MACROD2: variants seen among roughly 807,000 people sequenced by gnomAD.
MACROD2 encodes the protein mono-ADP ribosylhydrolase 2, also known as ADP-ribose glycohydrolase MACROD2.
A neutral mutation model predicts 70.4 loss-of-function variants in MACROD2; 36 were observed. That is an observed-to-expected ratio of 0.51 (90% CI 0.39 to 0.68). The LOEUF (loss-of-function observed/expected upper bound fraction) is 0.68, where lower values mean the gene tolerates loss of function less well. Among genes scored for constraint, MACROD2 ranks in the 30% least tolerant of loss-of-function variants. The pLI is 0.00. For synonymous variants in MACROD2, 172 were observed against 178.8 expected, an observed-to-expected ratio of 0.96 and a Z score of 0.30; for missense variants, 496 against 538.4, an observed-to-expected ratio of 0.92 and a Z score of 0.78.
chr20:15,368,737 ACAGGCGTGAGC>A (rs746057354), intron 6 of MACROD2, among the ~76,000 whole-genome samples: 2 of 152,110 alleles, frequency 1.3e-5, no homozygotes, highest in Non-Finnish European at 2.9e-5. Context: ...TGCTGGGATT[ACAGGCGTGAGC>A]CACCACGCCC....
At chr20:14,189,733 A>G (rs530636848) in intron 3 of MACROD2, among the ~76,000 whole-genome samples, 34 of 152,334 alleles carry the variant, frequency 2.2e-4, no homozygotes, top group African/African-American at 7.9e-4. Flanking sequence ...ATGTGAGTCC[A>G]GAATTGTACA....
At chr20:15,191,895 T>G (rs2076572800) in intron 5 of MACROD2, among the ~76,000 whole-genome samples, 1 of 145,890 alleles carries the variant, frequency 6.9e-6, no homozygotes, top group African/African-American at 2.5e-5. Context: ...TCATCAAAAA[T>G]TTAGAAAACT....
At chr20:14,593,186 T>C (rs1479128935) in intron 4 of MACROD2, among the ~76,000 whole-genome samples, 1 of 152,214 alleles carries the variant, frequency 6.6e-6, no homozygotes, top group Non-Finnish European at 1.5e-5. Flanking sequence ...TGAGTGTGTT[T>C]TTATCTTAAT....
chr20:15,762,770 C>A (rs1204020423), intron 8 of MACROD2, among the ~76,000 whole-genome samples: 3 of 152,126 alleles, frequency 2.0e-5, no homozygotes, highest in Non-Finnish European at 4.4e-5. Context: ...TAACCAAAGA[C>A]CATCCAGATA....
chr20:16,040,878 C>G (rs1404091188), intron 15 of MACROD2, among the ~76,000 whole-genome samples: 1 of 151,986 alleles, frequency 6.6e-6, no homozygotes, highest in Non-Finnish European at 1.5e-5. Context: ...CCCATGCATA[C>G]AGACACACTT....
chr20:14,939,620 TG>T (rs1321022021), intron 5 of MACROD2, among the ~76,000 whole-genome samples: 1 of 152,164 alleles, frequency 6.6e-6, no homozygotes, highest in Non-Finnish European at 1.5e-5. Flanking sequence ...TTTCTATATC[TG>T]TGAAAATGCC....
intron 5 of MACROD2, among the ~76,000 whole-genome samples, chr20:14,740,820 G>A (rs1568769364): frequency 6.6e-6 from 1 of 152,060 alleles, no homozygotes; most frequent in African/African-American, 2.4e-5. Flanking sequence ...TGTTACTGAA[G>A]TGGGCCCTCT....
At chr20:15,805,282 G>T (rs751712412) in intron 8 of MACROD2, among the ~76,000 whole-genome samples, 1 of 152,110 alleles carries the variant, frequency 6.6e-6, no homozygotes, top group Non-Finnish European at 1.5e-5. Flanking sequence ...TTCTGAACAA[G>T]AGAAGGGCGT....
chr20:14,607,723 C>A (rs1266956157), intron 4 of MACROD2, among the ~76,000 whole-genome samples: 1 of 152,134 alleles, frequency 6.6e-6, no homozygotes, highest in Non-Finnish European at 1.5e-5. Context: ...CTAGAATGAT[C>A]CTTTGCTGGA....
intron 7 of MACROD2, among the ~76,000 whole-genome samples, chr20:15,475,757 C>A (rs6110621): frequency 6.6e-6 from 1 of 152,200 alleles, no homozygotes; most frequent in South Asian, 2.1e-4. Context: ...CCATGTAATC[C>A]TCAGAGAAGA....
At chr20:14,963,119 G>T (rs775397325) in intron 5 of MACROD2, among the ~76,000 whole-genome samples, 1 of 152,104 alleles carries the variant, frequency 6.6e-6, no homozygotes, top group Non-Finnish European at 1.5e-5. Flanking sequence ...AGTAGAATTA[G>T]CTCAGAGCAC....
intron 7 of MACROD2, among the ~76,000 whole-genome samples, chr20:15,494,985 A>G (rs1474350092): frequency 2.0e-5 from 3 of 151,964 alleles, no homozygotes; most frequent in Admixed American, 2.0e-4. Flanking sequence ...CACACATGCA[A>G]CTCCCTGCAT....
At chr20:15,539,177 G>T (rs982970281) in intron 8 of MACROD2, among the ~76,000 whole-genome samples, 9 of 152,096 alleles carry the variant, frequency 5.9e-5, no homozygotes, top group African/African-American at 2.2e-4. Context: ...GTCTTTTGCA[G>T]CAAGCTTCAA....
intron 4 of MACROD2, among the ~76,000 whole-genome samples, chr20:14,681,185 G>A (rs937814797): frequency 3.3e-5 from 5 of 152,088 alleles, no homozygotes; most frequent in African/African-American, 1.2e-4. Flanking sequence ...TGTGTAACAT[G>A]GTAATCACTG....
chr20:15,034,955 A>G (rs191255308), intron 5 of MACROD2, among the ~76,000 whole-genome samples: 1 of 152,286 alleles, frequency 6.6e-6, no homozygotes. Flanking sequence ...TAATTGTTTA[A>G]TTAGAGCAAA....
At chr20:15,885,721 C>T (rs763139651) in intron 9 of MACROD2, 43 bp from the exon 10 acceptor site, 2 of 1,418,982 alleles carry the variant, frequency 1.4e-6, no homozygotes, top group African/African-American at 1.5e-5. Context: ...GTGTTTCCCA[C>T]TTTCATATAA....
intron 3 of MACROD2, among the ~76,000 whole-genome samples, chr20:14,105,291 G>A (rs75168972): frequency 0.028 from 4,219 of 152,290 alleles, 74 homozygotes; most frequent in Non-Finnish European, 0.042. Context: ...TGCCACCTCA[G>A]CCCCATTCCT....
At chr20:16,032,858 G>T (rs965554904) in intron 15 of MACROD2, among the ~76,000 whole-genome samples, 1 of 151,752 alleles carries the variant, frequency 6.6e-6, no homozygotes, top group Non-Finnish European at 1.5e-5. Context: ...GGAAAATGAG[G>T]AAAAGGTAAG....
chr20:14,848,267 G>A (rs1046949448), intron 5 of MACROD2, among the ~76,000 whole-genome samples: 1 of 152,122 alleles, frequency 6.6e-6, no homozygotes, highest in East Asian at 1.9e-4. Context: ...CACATCCACT[G>A]TCAAATATAC....
Sources: gnomAD v4.1 joint callset for allele counts (sites outside exome capture counted in the v4.1 genomes callset) on GRCh38, gnomAD v4.1.1 for gene constraint, MANE v1.5 for transcripts, NCBI Gene and HGNC (gene_info 2026-07-23, HGNC 2026-07-21) for gene names.